The following GAB2 variants were observed in gnomAD, a reference collection of about 807,000 sequenced individuals.
GAB2 encodes GRB2-associated-binding protein 2.
In GAB2, 26 loss-of-function variants were observed where a neutral mutation model predicts 65.5. That is an observed-to-expected ratio of 0.40 (90% CI 0.29 to 0.55). GAB2 has a LOEUF of 0.55. GAB2 is among the 20% of genes least tolerant of loss of function. The probability of loss-of-function intolerance (pLI) is 0.53; values close to 1 mark genes in which losing one functional copy is unlikely to be tolerated. For missense variants in GAB2, 884 were observed against 875.8 expected (o/e 1.01, Z -0.12); for synonymous variants, 321 against 329.6 (o/e 0.97, Z 0.28).
intron 1 of GAB2, among the ~76,000 whole-genome samples, chr11:78,403,281 G>GAAAATTA (rs1212817133): frequency 2.6e-5 from 4 of 152,184 alleles, no homozygotes; most frequent in Admixed American, 2.6e-4. Flanking sequence ...AGCTTAAAAA[G>GAAAATTA]AAAATTAATA....
intron 1 of GAB2, among the ~76,000 whole-genome samples, chr11:78,306,356 A>G (rs1331705707): frequency 2.0e-5 from 3 of 152,026 alleles, no homozygotes; most frequent in Non-Finnish European, 4.4e-5. Flanking sequence ...TCAGCCTCCC[A>G]AGTAGCTGGG....
intron 1 of GAB2, among the ~76,000 whole-genome samples, chr11:78,309,971 T>TGTGTGTGTGC (rs1421836447): frequency 6.7e-5 from 8 of 120,190 alleles, no homozygotes; most frequent in African/African-American, 2.5e-4. Flanking sequence ...TGTGTGTGTG[T>TGTGTGTGTGC]GCGCGCGCGC....
intron 1 of GAB2, among the ~76,000 whole-genome samples, chr11:78,296,935 T>C (rs1440894789): frequency 6.6e-6 from 1 of 152,160 alleles, no homozygotes; most frequent in Admixed American, 6.6e-5. Flanking sequence ...TCAAGCTGCT[T>C]TTGTAAGGGC....
Position 78,259,257 on chromosome 11 carries a change from A to G in GAB2, c.377-8857T>C, listed in dbSNP as rs905679627. ...TTCTTTTGAGGATTTGATATGAAATATAGGTAAACAGTAATTATTAAATAC... is the reference window on the plus strand; with the variant it reads ...TTCTTTTGAGGATTTGATATGAAATGTAGGTAAACAGTAATTATTAAATAC... On this transcript the variant is annotated intron_variant, in intron 2 of 9. Coordinates refer to ENST00000361507, the MANE Select transcript of GAB2 (RefSeq NM_080491.3). Among the ~76,000 whole-genome samples, 13 of 152,362 alleles carry G rather than the reference A, an allele frequency of 8.5e-5. No individual in the cohort carries two copies. The South Asian group carries it at 2.5e-3, about 29-fold the overall frequency.
chr11:78,271,363 A>G (rs934695500), intron 2 of GAB2, among the ~76,000 whole-genome samples: 3 of 152,218 alleles, frequency 2.0e-5, no homozygotes, highest in African/African-American at 7.2e-5. Context: ...AATCCCACAT[A>G]TATGATATAG....
chr11:78,220,246 AC>A, intron 9 of GAB2, 72 bp downstream of exon 9: 1 of 1,548,622 alleles, frequency 6.5e-7, no homozygotes, highest in Non-Finnish European at 8.9e-7. Context: ...TGTTGAAGGC[AC>A]CCTGGCCTCC....
chr11:78,253,485 G>A (rs1452428790), intron 2 of GAB2, among the ~76,000 whole-genome samples: 1 of 152,036 alleles, frequency 6.6e-6, no homozygotes, highest in Non-Finnish European at 1.5e-5. Context: ...GTAGAGACAG[G>A]ATCTCACTAT....
intron 3 of GAB2, among the ~76,000 whole-genome samples, chr11:78,247,681 CT>C (rs1174938760): frequency 6.6e-6 from 1 of 152,036 alleles, no homozygotes; most frequent in East Asian, 1.9e-4. Context: ...TTTTATTGCT[CT>C]TCAGGGCCTT....
At chr11:78,260,477 T>C in intron 2 of GAB2, among the ~76,000 whole-genome samples, 1 of 147,602 alleles carries the variant, frequency 6.8e-6, no homozygotes. Context: ...TTCTAAATCT[T>C]TTTTTTTTTT....
At chr11:78,251,878 C>G (rs1035280783) in intron 2 of GAB2, among the ~76,000 whole-genome samples, 2 of 152,176 alleles carry the variant, frequency 1.3e-5, no homozygotes, top group African/African-American at 2.4e-5. Context: ...CAGCATTTAC[C>G]TAATAAAGGC....
In GAB2 at chr11:78,307,710, A is replaced by G. The variant is rs1009325570; in HGVS notation, c.76-26809T>C. 2.6e-5 allele frequency among the ~76,000 whole-genome samples: 4 copies of G among 152,094 alleles called. No individual in the cohort carries two copies. The South Asian group carries it at 8.3e-4, about 31-fold the overall frequency. On this transcript the variant is annotated intron_variant, in intron 1 of 9. Transcript: ENST00000361507. The stretch of plus-strand genomic sequence containing the variant: ...AACATTTTAAGTTTATAACTAATTG[A>G]ATCTGCAAACATAGGAGTTCATGAT...
chr11:78,248,307 AGCAGGATCACTG>A (rs566049765), intron 3 of GAB2, among the ~76,000 whole-genome samples: 2 of 152,302 alleles, frequency 1.3e-5, no homozygotes, highest in Admixed American at 1.3e-4. Flanking sequence ...CTGATGCGTC[AGCAGGATCACTG>A]GAGTGGTGGT....
At chr11:78,308,912 C>T (rs1198445786) in intron 1 of GAB2, among the ~76,000 whole-genome samples, 1 of 151,856 alleles carries the variant, frequency 6.6e-6, no homozygotes, top group South Asian at 2.1e-4. Context: ...TTCCATTTCA[C>T]AATAAAAAGT....
intron 2 of GAB2, among the ~76,000 whole-genome samples, chr11:78,265,566 A>G (rs1458235580): frequency 6.6e-6 from 1 of 152,224 alleles, no homozygotes; most frequent in African/African-American, 2.4e-5. Flanking sequence ...AAAAGGGCCG[A>G]GGAGGTAGCA....
intron 1 of GAB2, among the ~76,000 whole-genome samples, chr11:78,413,785 C>G (rs1172236102): frequency 1.3e-5 from 2 of 152,032 alleles, no homozygotes; most frequent in Non-Finnish European, 2.9e-5. Flanking sequence ...GAAAAGGAAA[C>G]AAGAAAGGAA....
intron 1 of GAB2, among the ~76,000 whole-genome samples, chr11:78,376,672 G>A (rs1176573435): frequency 1.3e-5 from 2 of 152,150 alleles, no homozygotes; most frequent in East Asian, 3.8e-4. Context: ...ATAAAAGTCT[G>A]GACAACCTAG....
intron 1 of GAB2, among the ~76,000 whole-genome samples, chr11:78,405,944 G>A (rs893255819): frequency 6.6e-6 from 1 of 152,210 alleles, no homozygotes; most frequent in Non-Finnish European, 1.5e-5. Flanking sequence ...CTCTACTCCA[G>A]CCAAACACCG....
At chr11:78,387,671 C>T (rs978887655) in intron 1 of GAB2, among the ~76,000 whole-genome samples, 5 of 152,188 alleles carry the variant, frequency 3.3e-5, no homozygotes. Context: ...AAGGGAATCA[C>T]AATGGACTAA....
chr11:78,375,863 A>T (rs1402913992), intron 1 of GAB2, among the ~76,000 whole-genome samples: 1 of 152,126 alleles, frequency 6.6e-6, no homozygotes, highest in African/African-American at 2.4e-5. Flanking sequence ...AGCTTCATAC[A>T]CAGACTCTCC....
Sources: allele counts gnomAD v4.1 joint callset (sites outside exome capture counted in the v4.1 genomes callset), GRCh38; gene constraint gnomAD v4.1.1; transcripts MANE v1.5; gene names NCBI Gene and HGNC (gene_info 2026-07-23, HGNC 2026-07-21).